Variants in KCNK10 observed in about 807,000 individuals in gnomAD.
KCNK10 encodes potassium two pore domain channel subfamily K member 10, also known as potassium channel subfamily K member 10.
KCNK10 carries 25 observed loss-of-function variants against 47.7 expected under a neutral mutation model. The observed-to-expected ratio is 0.52, with a 90% CI of 0.38 to 0.73. KCNK10 has a LOEUF of 0.73. KCNK10 is among the 30% of genes least tolerant of loss of function. The pLI, the probability that KCNK10 is intolerant of heterozygous loss-of-function variation, is 0.00. For missense variants in KCNK10, 563 were observed against 714.5 expected (o/e 0.79, Z 2.42); for synonymous variants, 303 against 285.6 (o/e 1.06, Z -0.61).
chr14:88,322,493 C>T lies in KCNK10; in HGVS notation c.52+254G>A, dbSNP rs1332226939. ...CCGACACTTGCAATTTCAAACCAAA[C>T]AGTCGGCTTGGTCTATCTAAATAGA... On this transcript the variant is annotated intron_variant, in intron 1 of 6. Coordinates refer to ENST00000319231, the MANE Select transcript of KCNK10 (RefSeq NM_138317.3). The surrounding 1 kb of genome is among the most constrained non-coding windows in gnomAD (Gnocchi z 4.8). Among the ~76,000 whole-genome samples, 1 of 152,164 alleles carries T rather than the reference C, an allele frequency of 6.6e-6. No individual in the cohort carries two copies. The highest frequency in any genetic ancestry group is 6.5e-5 in the Admixed American group (1 of 15,278).
intron 2 of KCNK10, among the ~76,000 whole-genome samples, chr14:88,254,354 G>A (rs528272929): frequency 2.0e-5 from 3 of 150,806 alleles, no homozygotes; most frequent in East Asian, 2.0e-4. Flanking sequence ...TGTCCTTCCC[G>A]ATGGGTGCCT....
rs1329325883 is a variant in KCNK10 at position 88,182,526 on chromosome 14, CT to C, written c.*3008del. On this transcript the variant is annotated 3_prime_UTR_variant, in exon 7 of 7. Transcript: ENST00000319231. The stretch of plus-strand genomic sequence containing the variant: ...CCAACCTCTTATTCTCTCTCAGCAT[CT>C]TTGCGAGAGTATTTCATAGGTTTCT... 6.6e-6 allele frequency: 1 copy of C among 152,360 alleles called. No individual in the cohort carries two copies. Among genetic ancestry groups the C allele is most frequent in the Non-Finnish European group, 1.5e-5 (1 of 68,038 alleles). The allele number at this position is 152,360 out of a possible 1,614,324, so 9.4% of individuals were successfully genotyped here. A position where few individuals can be genotyped will look rare whatever the true frequency, so the allele number is the denominator to read the frequency against.
intron 1 of KCNK10, among the ~76,000 whole-genome samples, chr14:88,294,863 T>C (rs1887954180): frequency 6.6e-6 from 1 of 152,212 alleles, no homozygotes; most frequent in African/African-American, 2.4e-5. Flanking sequence ...CGTTCTACCC[T>C]TAGAAAATAT....
intron 1 of KCNK10, among the ~76,000 whole-genome samples, chr14:88,305,404 CAA>C (rs768535376): frequency 9.9e-5 from 15 of 152,068 alleles, no homozygotes; most frequent in Non-Finnish European, 1.9e-4. Flanking sequence ...ATTATGGAAA[CAA>C]AATAGTTTGA....
At chr14:88,314,172 C>A (rs893929327) in intron 1 of KCNK10, among the ~76,000 whole-genome samples, 1 of 152,122 alleles carries the variant, frequency 6.6e-6, no homozygotes, top group African/African-American at 2.4e-5. Flanking sequence ...GAAATCCTAA[C>A]CCCAAAGGTA....
intron 1 of KCNK10, among the ~76,000 whole-genome samples, chr14:88,278,705 T>C (rs1374885065): frequency 2.0e-5 from 3 of 152,190 alleles, no homozygotes; most frequent in African/African-American, 4.8e-5. Flanking sequence ...AATTCATCAA[T>C]ACACTTTGGA....
intron 4 of KCNK10, among the ~76,000 whole-genome samples, chr14:88,202,793 G>C (rs1170963475): frequency 2.0e-5 from 3 of 152,106 alleles, no homozygotes; most frequent in African/African-American, 7.2e-5. Flanking sequence ...CCGGTTGCGG[G>C]GGGTGGGTGG....
intron 2 of KCNK10, among the ~76,000 whole-genome samples, chr14:88,253,857 C>T (rs563225159): frequency 1.3e-5 from 2 of 152,282 alleles, no homozygotes; most frequent in African/African-American, 4.8e-5. Flanking sequence ...AAGATCTCAC[C>T]ATTGCACTCC....
chr14:88,268,258 T>C (rs1366992963), intron 1 of KCNK10, among the ~76,000 whole-genome samples: 2 of 152,212 alleles, frequency 1.3e-5, no homozygotes, highest in Non-Finnish European at 2.9e-5. Flanking sequence ...TGCCGTGGTA[T>C]CCTTGCTGCG....
At chr14:88,310,042 C>A (rs1472566974) in intron 1 of KCNK10, among the ~76,000 whole-genome samples, 1 of 150,470 alleles carries the variant, frequency 6.6e-6, no homozygotes, top group African/African-American at 2.4e-5. Context: ...CTCATAGGAA[C>A]TATTAATTTG....
At chr14:88,213,892 T>C (rs1312682705) in intron 4 of KCNK10, among the ~76,000 whole-genome samples, 2 of 150,832 alleles carry the variant, frequency 1.3e-5, no homozygotes, top group Non-Finnish European at 2.9e-5. Flanking sequence ...GTGGTGATGG[T>C]CTCAAACTCT....
intron 3 of KCNK10, among the ~76,000 whole-genome samples, chr14:88,236,412 G>C (rs1281309933): frequency 1.3e-5 from 2 of 152,150 alleles, no homozygotes; most frequent in Non-Finnish European, 2.9e-5. Context: ...TGTGAACAAT[G>C]CAAGATCTCA....
rs1887068201 is a variant in KCNK10, at chr14:88,260,071, T to C, written c.402+3131A>G. Among the ~76,000 whole-genome samples the C allele has an allele frequency of 6.6e-6, 1 of 152,128 alleles. No individual in the cohort carries two copies. The highest frequency in any genetic ancestry group is 1.5e-5 in the Non-Finnish European group (1 of 68,022). On this transcript the variant is annotated intron_variant, in intron 2 of 6. Coordinates refer to ENST00000319231, the MANE Select transcript of KCNK10 (RefSeq NM_138317.3). The surrounding 1 kb of genome is among the most constrained non-coding windows in gnomAD (Gnocchi z 4.5). ...AATTCTTCTGCCTCAGCCTCCCTAG[T>C]AGCTGGGACCACAGGTGCACACCAC...
At chr14:88,190,124 A>G (rs945626402) in intron 5 of KCNK10, among the ~76,000 whole-genome samples, 1 of 152,214 alleles carries the variant, frequency 6.6e-6, no homozygotes, top group Non-Finnish European at 1.5e-5. Context: ...CATGGTAGAT[A>G]ACAAATAATA....
At chr14:88,281,245 T>C (rs181179843) in intron 1 of KCNK10, among the ~76,000 whole-genome samples, 2 of 152,330 alleles carry the variant, frequency 1.3e-5, no homozygotes, top group Non-Finnish European at 2.9e-5. Context: ...TCAGTTTAAA[T>C]GTTACCATGT....
intron 2 of KCNK10, among the ~76,000 whole-genome samples, chr14:88,252,610 C>G (rs1886832184): frequency 6.6e-6 from 1 of 152,172 alleles, no homozygotes; most frequent in Non-Finnish European, 1.5e-5. Flanking sequence ...GTTGCCATGA[C>G]AACATCAAAG....
chr14:88,308,140 A>C (rs370366702), intron 1 of KCNK10, among the ~76,000 whole-genome samples: 20 of 152,118 alleles, frequency 1.3e-4, no homozygotes, highest in African/African-American at 4.1e-4. Context: ...CACTGTTAAT[A>C]ATCATCAGCA....
rs548368248 is a variant in KCNK10 at position 88,313,678 on chromosome 14, C to T, written c.52+9069G>A. Among the ~76,000 whole-genome samples the T allele has an allele frequency of 3.3e-5, 5 of 152,342 alleles. No individual in the cohort carries two copies. The South Asian group carries it at 1.0e-3, about 32-fold the overall frequency. On this transcript the variant is annotated intron_variant, in intron 1 of 6. Coordinates refer to ENST00000319231, the MANE Select transcript of KCNK10 (RefSeq NM_138317.3). ...CATCAGATGACAGCAGCCCGGACAA[C>T]ATCTGACCACAATCAATGACAGACT...
At chr14:88,315,511 GCT>G in intron 1 of KCNK10, among the ~76,000 whole-genome samples, 1 of 152,044 alleles carries the variant, frequency 6.6e-6, no homozygotes, top group East Asian at 1.9e-4. Context: ...TGCCTGTCAG[GCT>G]CATATCACAT....
Sources: allele counts gnomAD v4.1 joint callset (sites outside exome capture counted in the v4.1 genomes callset), GRCh38; gene constraint gnomAD v4.1.1; non-coding constraint Gnocchi (gnomAD v3.1); transcripts MANE v1.5; gene names NCBI Gene and HGNC (gene_info 2026-07-23, HGNC 2026-07-21).